Variants in ADAMTSL3 observed in about 807,000 individuals in gnomAD.
ADAMTSL3 encodes ADAMTS-like protein 3.
ADAMTSL3 carries 128 observed loss-of-function variants against 201.7 expected under a neutral mutation model. The ratio of observed to expected loss-of-function variants is 0.63; its 90% CI spans 0.55 to 0.73. ADAMTSL3 has a LOEUF of 0.73. Among genes scored for constraint, ADAMTSL3 ranks in the 30% least tolerant of loss-of-function variants. The pLI, the probability that ADAMTSL3 is intolerant of heterozygous loss-of-function variation, is 0.00. For synonymous variants in ADAMTSL3, 738 were observed against 748.4 expected, an observed-to-expected ratio of 0.99 and a Z score of 0.23; for missense variants, 1,990 against 2,119.6, an observed-to-expected ratio of 0.94 and a Z score of 1.20.
At chr15:83,855,314 G>A (rs1342895403) in intron 7 of ADAMTSL3, among the ~76,000 whole-genome samples, 2 of 152,130 alleles carry the variant, frequency 1.3e-5, no homozygotes, top group Admixed American at 1.3e-4. Flanking sequence ...CAGCTTTTTG[G>A]TTAGCTTATT....
chr15:83,693,799 T>A (rs764295175), intron 2 of ADAMTSL3, among the ~76,000 whole-genome samples: 1 of 152,202 alleles, frequency 6.6e-6, no homozygotes, highest in South Asian at 2.1e-4. Context: ...TTGTTGACTG[T>A]TGAACTCTCA....
At chr15:84,009,243 C>G (rs147877822) in intron 23 of ADAMTSL3, among the ~76,000 whole-genome samples, 109 of 152,326 alleles carry the variant, frequency 7.2e-4, no homozygotes, top group African/African-American at 2.6e-3. Flanking sequence ...ACTTCTCTGA[C>G]CTTGTCACCT....
At chr15:83,855,026 TTG>T (rs142899712) in intron 7 of ADAMTSL3, among the ~76,000 whole-genome samples, 1 of 151,880 alleles carries the variant, frequency 6.6e-6, no homozygotes, top group African/African-American at 2.4e-5. Context: ...TTAGTGGACT[TTG>T]TGTGTGTGTG....
intron 20 of ADAMTSL3, among the ~76,000 whole-genome samples, chr15:83,976,107 C>T (rs919825208): frequency 3.9e-5 from 6 of 152,038 alleles, no homozygotes; most frequent in African/African-American, 1.4e-4. Flanking sequence ...AGGACAGAGA[C>T]GGTGGTGGGT....
intron 6 of ADAMTSL3, among the ~76,000 whole-genome samples, chr15:83,823,832 C>A (rs1175807761): frequency 1.3e-5 from 2 of 152,142 alleles, no homozygotes; most frequent in Non-Finnish European, 2.9e-5. Flanking sequence ...CCTTTAGGCT[C>A]TTCCTACACT....
At chr15:83,877,747 C>A (rs1490987511) in intron 9 of ADAMTSL3, among the ~76,000 whole-genome samples, 1 of 151,960 alleles carries the variant, frequency 6.6e-6, no homozygotes, top group African/African-American at 2.4e-5. Context: ...TTTTTTAGTT[C>A]TTTTAAAATT....
chr15:83,929,711 G>C (rs1596421611), intron 17 of ADAMTSL3, among the ~76,000 whole-genome samples: 1 of 149,772 alleles, frequency 6.7e-6, no homozygotes, highest in African/African-American at 2.5e-5. Context: ...GAGAGAGACA[G>C]AGAGAGACAG....
intron 25 of ADAMTSL3, among the ~76,000 whole-genome samples, chr15:84,019,949 C>A (rs1163956127): frequency 7.0e-6 from 1 of 143,516 alleles, no homozygotes; most frequent in Non-Finnish European, 1.5e-5. Context: ...ATATGAAGTA[C>A]AAGAATAAGT....
At chr15:83,878,201 G>A (rs2065211330) in intron 9 of ADAMTSL3, among the ~76,000 whole-genome samples, 2 of 152,144 alleles carry the variant, frequency 1.3e-5, no homozygotes, top group Non-Finnish European at 2.9e-5. Context: ...CTTTAGAGAT[G>A]ATCACATGGT....
At chr15:83,822,748 C>A (rs571376876) in intron 6 of ADAMTSL3, among the ~76,000 whole-genome samples, 1 of 147,050 alleles carries the variant, frequency 6.8e-6, no homozygotes, top group Non-Finnish European at 1.5e-5. Context: ...ACGTCCCAGA[C>A]GATGGGCGGC....
chr15:83,904,064 G>C (rs758012071), intron 15 of ADAMTSL3, among the ~76,000 whole-genome samples: 2 of 151,260 alleles, frequency 1.3e-5, no homozygotes, highest in Non-Finnish European at 2.9e-5. Context: ...CTTCCTCCTC[G>C]TATTCACAGA....
At chr15:83,795,674 G>A (rs753102067) in intron 4 of ADAMTSL3, among the ~76,000 whole-genome samples, 13 of 152,108 alleles carry the variant, frequency 8.5e-5, no homozygotes, top group Non-Finnish European at 1.5e-4. Context: ...TCAAAATTTG[G>A]AAGTGCATGT....
At chr15:83,933,738 G>C (rs2066406674) in intron 17 of ADAMTSL3, among the ~76,000 whole-genome samples, 1 of 152,190 alleles carries the variant, frequency 6.6e-6, no homozygotes, top group South Asian at 2.1e-4. Context: ...TCTAGTCCCA[G>C]GGCCTTTGCT....
chr15:83,825,490 A>G (rs770202844), intron 6 of ADAMTSL3, among the ~76,000 whole-genome samples: 3 of 152,066 alleles, frequency 2.0e-5, no homozygotes, highest in South Asian at 2.1e-4. Context: ...GCGCAAGCCT[A>G]TGGTCCTAGC....
chr15:83,719,441 AC>A (rs1490081536), intron 3 of ADAMTSL3, among the ~76,000 whole-genome samples: 1 of 152,208 alleles, frequency 6.6e-6, no homozygotes, highest in African/African-American at 2.4e-5. Flanking sequence ...CAGACAAAAA[AC>A]CTACGACAAC....
At chr15:83,770,090 A>G (rs189178275) in intron 3 of ADAMTSL3, among the ~76,000 whole-genome samples, 1 of 152,288 alleles carries the variant, frequency 6.6e-6, no homozygotes, top group African/African-American at 2.4e-5. Context: ...CGTTAAAGTC[A>G]CCCAAATCCC....
At chr15:83,988,966 C>T (rs2067535443) in intron 22 of ADAMTSL3, 148 bp downstream of exon 22, 8 of 386,418 alleles carry the variant, frequency 2.1e-5, no homozygotes, top group Non-Finnish European at 2.9e-5. Context: ...ACTGTAAGCT[C>T]CGCCTCCCGG....
chr15:83,845,454 T>C (rs1319866386), intron 7 of ADAMTSL3, among the ~76,000 whole-genome samples: 1 of 152,200 alleles, frequency 6.6e-6, no homozygotes, highest in Non-Finnish European at 1.5e-5. Context: ...GCAATAGAAC[T>C]GGACTGGAAG....
intron 2 of ADAMTSL3, among the ~76,000 whole-genome samples, chr15:83,683,351 C>G (rs1241501711): frequency 6.6e-6 from 1 of 152,206 alleles, no homozygotes; most frequent in Admixed American, 6.5e-5. Flanking sequence ...CCCTGCTCCT[C>G]TATTGTTAAT....
Sources: gnomAD v4.1 joint callset for allele counts (sites outside exome capture counted in the v4.1 genomes callset) on GRCh38, gnomAD v4.1.1 for gene constraint, MANE v1.5 for transcripts, NCBI Gene and HGNC (gene_info 2026-07-23, HGNC 2026-07-21) for gene names.